TRPC6: variants seen among roughly 807,000 people sequenced by gnomAD.
The protein encoded by TRPC6 is short transient receptor potential channel 6.
In TRPC6, 55 loss-of-function variants were observed where a neutral mutation model predicts 90.7. The ratio of observed to expected loss-of-function variants is 0.61; its 90% CI spans 0.49 to 0.76. The LOEUF (loss-of-function observed/expected upper bound fraction) is 0.76. Ranked by LOEUF, TRPC6 falls within the 30% of genes least tolerant of loss-of-function variation. The pLI is 0.00. For synonymous variants in TRPC6, 393 were observed against 393.0 expected (o/e 1.00, Z 0.00); for missense variants, 989 against 1,122.7 (o/e 0.88, Z 1.70).
intron 1 of TRPC6, among the ~76,000 whole-genome samples, chr11:101,544,540 G>C (rs34548246): frequency 0.35 from 52,564 of 151,946 alleles, 9,339 homozygotes; most frequent in East Asian, 0.44. Flanking sequence ...CCATGGAATA[G>C]TATGCAGCCA....
intron 5 of TRPC6, among the ~76,000 whole-genome samples, chr11:101,481,882 T>G (rs1265074335): frequency 2.0e-5 from 3 of 152,230 alleles, no homozygotes; most frequent in Non-Finnish European, 4.4e-5. Context: ...CATCCATAAA[T>G]GCACCTTGGC....
chr11:101,496,176 A>G (rs1288072372), intron 2 of TRPC6, among the ~76,000 whole-genome samples: 1 of 152,306 alleles, frequency 6.6e-6, no homozygotes, highest in Non-Finnish European at 1.5e-5. Context: ...GAACAGCAAG[A>G]GGAAAATCCA....
At chr11:101,483,630 G>A (rs148738581) in intron 4 of TRPC6, among the ~76,000 whole-genome samples, 224 of 152,224 alleles carry the variant, frequency 1.5e-3, no homozygotes, top group African/African-American at 5.0e-3. Context: ...AGTGGATGTT[G>A]TTATTTTGGT....
chr11:101,529,438 G>A (rs1330966219), intron 1 of TRPC6, among the ~76,000 whole-genome samples: 1 of 152,222 alleles, frequency 6.6e-6, no homozygotes, highest in Non-Finnish European at 1.5e-5. Flanking sequence ...GCACGAGCGT[G>A]CACTGAGTGA....
rs146143113 is a variant in TRPC6 at position 101,464,667 on chromosome 11, T to C, written c.2484+4760A>G. ...TGGTAAATATTCCTCCATCCCTTTA[T>C]TTTGAGCCTATGTGTGTCTTTGCAT... On this transcript the variant is annotated intron_variant, in intron 10 of 12. Coordinates refer to ENST00000344327, the MANE Select transcript of TRPC6 (RefSeq NM_004621.6). Among the ~76,000 whole-genome samples the C allele has an allele frequency of 4.7e-3, 713 of 152,308 alleles. 3 individuals carry two copies. The highest frequency in any genetic ancestry group is 6.7e-3 in the Admixed American group (103 of 15,298).
At chr11:101,515,880 T>C (rs1265088812) in intron 1 of TRPC6, among the ~76,000 whole-genome samples, 1 of 152,130 alleles carries the variant, frequency 6.6e-6, no homozygotes, top group African/African-American at 2.4e-5. Flanking sequence ...TAAATTAATT[T>C]CACTAAGGCT....
In TRPC6 at chr11:101,452,222, G is replaced by A. The variant is rs1412787876; in HGVS notation, c.*733C>T. 1 of 110,206 alleles carries A rather than the reference G, an allele frequency of 9.1e-6. No homozygotes were observed. Among genetic ancestry groups the A allele is most frequent in the Non-Finnish European group, 1.8e-5 (1 of 54,674 alleles). 6.8% of individuals were successfully genotyped at this position (110,206 alleles called of 1,614,324 possible). On this transcript the variant is annotated 3_prime_UTR_variant, in exon 13 of 13. Coordinates refer to ENST00000344327, the MANE Select transcript of TRPC6 (RefSeq NM_004621.6). ...AAAATTTATAACATAAAGAGCTTTT[G>A]TGTGTCCACATTAGCCACAAACTAG...
chr11:101,470,966 A>G (rs897504695), intron 9 of TRPC6, among the ~76,000 whole-genome samples: 4 of 152,054 alleles, frequency 2.6e-5, no homozygotes, highest in Non-Finnish European at 5.9e-5. Flanking sequence ...TTTTAGTTAT[A>G]TTTCATGAAT....
chr11:101,582,857 G>C (rs988416667), intron 1 of TRPC6, among the ~76,000 whole-genome samples: 2 of 152,100 alleles, frequency 1.3e-5, no homozygotes, highest in African/African-American at 4.8e-5. Flanking sequence ...CAAGCGTGGA[G>C]ACCGCCGGGC....
Position 101,471,322 on chromosome 11 carries a change from C to T in TRPC6, c.2270G>A (p.Gly757Asp). Residue 757 changes from glycine (G) to aspartate (D), a missense_variant, in exon 9 of 13, where the codon GGC (glycine) becomes GAC (aspartate). Physicochemically the swap from Gly to Asp is moderately conservative, Grantham distance 94. Transcript: ENST00000344327. ...ATTGAAGGGTACAGGAAGTGTTCTG[C>T]CCTCCTCAAAGTAGGAAAACCAGAG... ...AKLWFSYFEEGRTLPVPFNLV... is the reference protein window; with the variant it reads ...AKLWFSYFEEDRTLPVPFNLV... The T allele has an allele frequency of 6.2e-7, 1 of 1,613,918 alleles. No homozygotes were observed. The highest frequency in any genetic ancestry group is 8.5e-7 in the Non-Finnish European group (1 of 1,179,874).
At chr11:101,564,492 C>T (rs1481326892) in intron 1 of TRPC6, among the ~76,000 whole-genome samples, 1 of 152,050 alleles carries the variant, frequency 6.6e-6, no homozygotes, top group Non-Finnish European at 1.5e-5. Context: ...CCAGTACATG[C>T]TTATAGAAGC....
At chr11:101,453,508 G>T in intron 12 of TRPC6, 142 bp downstream of exon 12, 1 of 813,738 alleles carries the variant, frequency 1.2e-6, no homozygotes, top group South Asian at 1.4e-5. Context: ...TTAACAGAAC[G>T]GCGGTTGGTG....
chr11:101,518,713 A>G (rs1006092987), intron 1 of TRPC6, among the ~76,000 whole-genome samples: 2 of 152,220 alleles, frequency 1.3e-5, no homozygotes, highest in African/African-American at 4.8e-5. Flanking sequence ...AAAGGAAATC[A>G]GTATATCAAA....
At position 101,548,476 on chromosome 11, in the gene TRPC6, A is replaced by ATATATATC. The variant is rs1555011220; in HGVS notation, c.170+34857_170+34858insGATATATA. 6.5e-3 allele frequency among the ~76,000 whole-genome samples: 730 copies of ATATATATC among 112,080 alleles called. 3 individuals carry two copies. The highest frequency in any genetic ancestry group is 0.017 in the Middle Eastern group (4 of 230). The allele number at this position is 112,080 out of a possible 152,430, so 73.5% of individuals were successfully genotyped here. A position where few individuals can be genotyped will look rare whatever the true frequency, so the allele number is the denominator to read the frequency against. ...TATACTGATATATATATATATATATATCTCTCTCTCTCTCTCTGTCTCTCA... is the reference window on the plus strand; with the variant it reads ...TATACTGATATATATATATATATATATATATATCTCTCTCTCTCTCTCTCTGTCTCTCA... On this transcript the variant is annotated intron_variant, in intron 1 of 12. Coordinates refer to ENST00000344327, the MANE Select transcript of TRPC6 (RefSeq NM_004621.6).
intron 5 of TRPC6, among the ~76,000 whole-genome samples, chr11:101,477,078 A>G (rs142442495): frequency 2.0e-3 from 304 of 151,908 alleles, no homozygotes; most frequent in African/African-American, 7.1e-3. Context: ...CTCTCAGCCA[A>G]TTACTGAGGG....
At chr11:101,537,900 A>G (rs1477079187) in intron 1 of TRPC6, among the ~76,000 whole-genome samples, 2 of 152,134 alleles carry the variant, frequency 1.3e-5, no homozygotes, top group Non-Finnish European at 2.9e-5. Context: ...ATTTGGGTTG[A>G]TATTATTAGG....
intron 1 of TRPC6, among the ~76,000 whole-genome samples, chr11:101,530,053 G>A (rs1166215256): frequency 1.3e-5 from 2 of 152,266 alleles, no homozygotes; most frequent in Admixed American, 6.5e-5. Flanking sequence ...CACAGGCCTG[G>A]CAGCAGACGC....
chr11:101,506,207 A>C (rs1376377158), intron 1 of TRPC6, among the ~76,000 whole-genome samples: 1 of 152,132 alleles, frequency 6.6e-6, no homozygotes, highest in Admixed American at 6.6e-5. Context: ...GTTTTTGCAG[A>C]ACTGGAACAG....
In TRPC6 at chr11:101,528,015, A is replaced by G. The variant is rs1860821070; in HGVS notation, c.171-23217T>C. 5.3e-5 allele frequency among the ~76,000 whole-genome samples: 8 copies of G among 152,154 alleles called. No homozygotes were observed. In the South Asian group the frequency reaches 1.5e-3, roughly 28 times the overall value. Reference sequence around the variant, plus strand: ...TTGAACCCGGGAGGCAGAGGTTGCAATGAGCCGAGATCGTGCCACTGCACT... The same window carrying G: ...TTGAACCCGGGAGGCAGAGGTTGCAGTGAGCCGAGATCGTGCCACTGCACT... On this transcript the variant is annotated intron_variant, in intron 1 of 12. Transcript: ENST00000344327.
Sources: gnomAD v4.1 joint callset for allele counts (sites outside exome capture counted in the v4.1 genomes callset) on GRCh38, gnomAD v4.1.1 for gene constraint, MANE v1.5 for transcripts, NCBI Gene and HGNC (gene_info 2026-07-23, HGNC 2026-07-21) for gene names.